KIF26B: variants seen among roughly 807,000 people sequenced by gnomAD.
KIF26B encodes the protein kinesin family member 26B, also known as kinesin-like protein KIF26B.
Under a neutral mutation model 151.2 loss-of-function variants are expected in KIF26B, and 63 were observed. The ratio of observed to expected loss-of-function variants is 0.42; its 90% CI spans 0.34 to 0.51. KIF26B has a LOEUF of 0.51. Among genes scored for constraint, KIF26B ranks in the 20% least tolerant of loss-of-function variants. KIF26B has a pLI of 0.07. For synonymous variants in KIF26B, 1,357 were observed against 1,262.1 expected (o/e 1.08, Z -1.59); for missense variants, 2,813 against 2,913.6 (o/e 0.97, Z 0.79).
At chr1:245,300,054 C>T (rs1009872589) in intron 2 of KIF26B, among the ~76,000 whole-genome samples, 23 of 152,320 alleles carry the variant, frequency 1.5e-4, no homozygotes, top group Middle Eastern at 3.4e-3. Flanking sequence ...GACTTCTAGT[C>T]GTTTTGGTGA....
chr1:245,307,269 G>A lies in KIF26B; in HGVS notation c.466-59565G>A, dbSNP rs568948642. On this transcript the variant is annotated intron_variant, in intron 2 of 14. Transcript: ENST00000407071. ...ACAAAACCGTCTCATATGCCGGACC[G>A]TGACAAAGAGGGACTAGGACGCCAG... Among the ~76,000 whole-genome samples, 79 of 152,284 alleles carry A rather than the reference G, an allele frequency of 5.2e-4. 2 individuals are homozygous for A. In the South Asian group the frequency reaches 0.016, roughly 30 times the overall value.
Position 245,399,160 on chromosome 1 carries a change from G to C in KIF26B, c.1000-20419G>C, listed in dbSNP as rs182682994. On this transcript the variant is annotated intron_variant, in intron 3 of 14. Coordinates refer to ENST00000407071, the MANE Select transcript of KIF26B (RefSeq NM_018012.4). ...GGATCAGATTGCATTTCGTTGTCGT[G>C]TCTCTTTTTGAGGGTCTTTTAACTG... Among the ~76,000 whole-genome samples the C allele has an allele frequency of 1.8e-3, 267 of 152,238 alleles. 2 individuals are homozygous for C. Among genetic ancestry groups the C allele is most frequent in the African/African-American group, 6.3e-3 (263 of 41,528 alleles).
intron 4 of KIF26B, among the ~76,000 whole-genome samples, chr1:245,464,630 G>A (rs972319899): frequency 8.7e-5 from 13 of 149,748 alleles, no homozygotes; most frequent in Non-Finnish European, 1.5e-4. Flanking sequence ...GTGTGTGCAT[G>A]TTTGGCACCG....
intron 4 of KIF26B, among the ~76,000 whole-genome samples, chr1:245,511,788 T>C (rs1320411318): frequency 3.3e-5 from 5 of 152,242 alleles, no homozygotes; most frequent in Non-Finnish European, 7.3e-5. Flanking sequence ...TTTCCATCTT[T>C]CTGTGTGAGG....
chr1:245,686,648 T>C lies in KIF26B; in HGVS notation c.3665T>C (p.Leu1222Pro). The change falls in exon 12 of 15, where the codon CTG becomes CCG. Residue 1222 changes from leucine to proline, a missense_variant. By Grantham distance (98) the Leu-to-Pro change is moderately conservative. Coordinates refer to ENST00000407071, the MANE Select transcript of KIF26B (RefSeq NM_018012.4). The surrounding 1 kb of genome is among the most constrained non-coding windows in gnomAD (Gnocchi z 5.6). ...AACAGCGACTGCTCTGCACGGGCCC[T>C]GGCCTCGGGCTCGCGGCCCGTCAGC... ...SFNSDCSARA[L>P]ASGSRPVSII... is the part of the protein sequence containing the mutation. 1 of 1,611,076 alleles carries C rather than the reference T, an allele frequency of 6.2e-7. No individual in the cohort carries two copies. Among genetic ancestry groups the C allele is most frequent in the African/African-American group, 1.3e-5 (1 of 74,980 alleles).
At chr1:245,420,480 T>C (rs1658458087) in intron 4 of KIF26B, among the ~76,000 whole-genome samples, 1 of 152,156 alleles carries the variant, frequency 6.6e-6, no homozygotes, top group Non-Finnish European at 1.5e-5. Context: ...CAGCCAGAAA[T>C]AGAAACCGGA....
intron 4 of KIF26B, among the ~76,000 whole-genome samples, chr1:245,537,088 C>T (rs1177652691): frequency 2.6e-5 from 4 of 152,160 alleles, no homozygotes; most frequent in Non-Finnish European, 5.9e-5. Context: ...ATGGATGCAG[C>T]CATCTTTGGA....
chr1:245,465,250 T>A (rs1180970247), intron 4 of KIF26B, among the ~76,000 whole-genome samples: 1 of 152,164 alleles, frequency 6.6e-6, no homozygotes, highest in Non-Finnish European at 1.5e-5. Flanking sequence ...AGTGCTGGGA[T>A]CACAGGCGTG....
chr1:245,509,548 T>C (rs1157935990), intron 4 of KIF26B, among the ~76,000 whole-genome samples: 1 of 152,230 alleles, frequency 6.6e-6, no homozygotes, highest in East Asian at 1.9e-4. Context: ...GGATCTCTTC[T>C]CACGTCATTC....
intron 12 of KIF26B, among the ~76,000 whole-genome samples, 170 bp downstream of exon 12, chr1:245,688,977 G>A (rs1342597899): frequency 2.0e-5 from 3 of 151,886 alleles, no homozygotes; most frequent in African/African-American, 7.3e-5. Context: ...CCGTGCCCTG[G>A]GGAGGGGGCG....
intron 2 of KIF26B, among the ~76,000 whole-genome samples, chr1:245,251,889 A>AAT (rs1670451250): frequency 6.6e-6 from 1 of 152,134 alleles, no homozygotes; most frequent in Admixed American, 6.6e-5. Context: ...ATATATGGTT[A>AAT]ATATATATTA....
At chr1:245,402,695 G>C (rs1037083460) in intron 3 of KIF26B, among the ~76,000 whole-genome samples, 2 of 152,166 alleles carry the variant, frequency 1.3e-5, no homozygotes, top group Non-Finnish European at 2.9e-5. Flanking sequence ...GATTGTTATA[G>C]ATATGTCATA....
At chr1:245,340,188 A>G (rs1672308489) in intron 2 of KIF26B, among the ~76,000 whole-genome samples, 1 of 152,198 alleles carries the variant, frequency 6.6e-6, no homozygotes, top group Non-Finnish European at 1.5e-5. Flanking sequence ...AGAAACTAAA[A>G]TCCACAAATG....
At position 245,367,081 on chromosome 1, in the gene KIF26B, G is replaced by T; in HGVS notation, c.713G>T (p.Gly238Val). The T allele has an allele frequency of 1.2e-6, 2 of 1,600,462 alleles. No homozygotes were observed. The highest frequency in any genetic ancestry group is 1.7e-6 in the Non-Finnish European group (2 of 1,173,768). Reference protein sequence around the residue: ...PTLVGSRHVGGLQQPRDWAFV... With the variant: ...PTLVGSRHVGVLQQPRDWAFV... ...CTGGTGGGGTCCCGGCACGTGGGTGGGCTCCAGCAGCCCAGAGACTGGGCC... is the reference window on the plus strand; with the variant it reads ...CTGGTGGGGTCCCGGCACGTGGGTGTGCTCCAGCAGCCCAGAGACTGGGCC... Residue 238 changes from glycine (G) to valine (V), a missense_variant, in exon 3 of 15, where the codon GGG becomes GTG. By Grantham distance (109) the Gly-to-Val change is moderately radical (BLOSUM62 -3). Coordinates refer to ENST00000407071, the MANE Select transcript of KIF26B (RefSeq NM_018012.4). This position sits in a 1 kb window ranked among gnomAD's most constrained non-coding sequence, Gnocchi z 4.2.
chr1:245,306,756 C>T (rs1671562990), intron 2 of KIF26B, among the ~76,000 whole-genome samples: 1 of 152,196 alleles, frequency 6.6e-6, no homozygotes, highest in African/African-American at 2.4e-5. Context: ...CTTCATCCCT[C>T]TTATAAGCCT....
intron 9 of KIF26B, among the ~76,000 whole-genome samples, chr1:245,619,607 A>AT (rs2043636486): frequency 6.7e-6 from 1 of 149,348 alleles, no homozygotes; most frequent in Admixed American, 6.6e-5. Context: ...CTGTTTCAAA[A>AT]AAAAAAAAAA....
intron 4 of KIF26B, among the ~76,000 whole-genome samples, chr1:245,503,442 C>A (rs1308949528): frequency 6.6e-6 from 1 of 152,208 alleles, no homozygotes; most frequent in Non-Finnish European, 1.5e-5. Context: ...CTTGAAAGTA[C>A]TTCCTTTGTT....
chr1:245,478,520 C>T (rs2363898), intron 4 of KIF26B, among the ~76,000 whole-genome samples: 148,676 of 149,078 alleles, frequency 1, 74,141 homozygotes, highest in Middle Eastern at 1. Flanking sequence ...CTCCGCCTCC[C>T]GGGTTCACGC....
In KIF26B at chr1:245,268,470, A is replaced by AAATAATAATAATAAT. The variant is rs59590596; in HGVS notation, c.466-98331_466-98317dup. Among the ~76,000 whole-genome samples the AAATAATAATAATAAT allele has an allele frequency of 4.5e-5, 6 of 134,760 alleles. 1 individual carries two copies. The highest frequency in any genetic ancestry group is 3.8e-4 in the Admixed American group (5 of 13,272). The allele number at this position is 134,760 out of a possible 152,430, so 88.4% of individuals were successfully genotyped here. On this transcript the variant is annotated intron_variant, in intron 2 of 14. Transcript: ENST00000407071. ...GGTGATGGAGCGAGACTCCATCTCC[A>AAATAATAATAATAAT]AATAATAATAATAATAATAATAATA...
Sources: allele counts gnomAD v4.1 joint callset (sites outside exome capture counted in the v4.1 genomes callset), GRCh38; gene constraint gnomAD v4.1.1; non-coding constraint Gnocchi (gnomAD v3.1); transcripts MANE v1.5; gene names NCBI Gene and HGNC (gene_info 2026-07-23, HGNC 2026-07-21).